The following PABPC4L variants were observed in gnomAD, a reference collection of about 807,000 sequenced individuals.
The protein encoded by PABPC4L is polyadenylate-binding protein 4-like.
For synonymous variants in PABPC4L, 169 were observed against 164.1 expected, an observed-to-expected ratio of 1.03 and a Z score of -0.23; for missense variants, 452 against 451.4, an observed-to-expected ratio of 1.00 and a Z score of -0.01.
chr4:133,985,335 A>G, the PABPC4L span, among the ~76,000 whole-genome samples: 1 of 152,026 alleles, frequency 6.6e-6, no homozygotes, highest in Non-Finnish European at 1.5e-5. Flanking sequence ...AGAAGTACCT[A>G]TTTAATTAGC....
the PABPC4L span, among the ~76,000 whole-genome samples, chr4:134,006,149 G>A: frequency 6.6e-6 from 1 of 151,986 alleles, no homozygotes; most frequent in South Asian, 2.1e-4. Flanking sequence ...TTTTACAGTT[G>A]AGAAAGAGTG....
At chr4:133,954,509 G>A in the PABPC4L span, among the ~76,000 whole-genome samples, 3 of 152,006 alleles carry the variant, frequency 2.0e-5, no homozygotes, top group Non-Finnish European at 2.9e-5. Context: ...ATCATCTCTT[G>A]TTTTTCTTTG....
the PABPC4L span, among the ~76,000 whole-genome samples, chr4:134,003,229 G>A: frequency 6.6e-6 from 1 of 151,946 alleles, no homozygotes; most frequent in Non-Finnish European, 1.5e-5. Flanking sequence ...ACGGAAAGGA[G>A]AATATGCCTA....
the PABPC4L span, among the ~76,000 whole-genome samples, chr4:134,063,677 A>T: frequency 6.6e-6 from 1 of 152,054 alleles, no homozygotes; most frequent in Non-Finnish European, 1.5e-5. Flanking sequence ...CTGTATGCTA[A>T]TTTTAAATAC....
the PABPC4L span, among the ~76,000 whole-genome samples, chr4:134,016,556 G>C: frequency 1.3e-5 from 2 of 151,894 alleles, no homozygotes; most frequent in Admixed American, 6.6e-5. Flanking sequence ...CCTTCACATC[G>C]GTCACTCCCA....
At chr4:134,190,000 T>C in the PABPC4L span, among the ~76,000 whole-genome samples, 1 of 152,140 alleles carries the variant, frequency 6.6e-6, no homozygotes, top group African/African-American at 2.4e-5. Flanking sequence ...AAACTGGGAC[T>C]GCTCCTGGGA....
the PABPC4L span, among the ~76,000 whole-genome samples, chr4:133,994,808 G>C: frequency 6.6e-6 from 1 of 152,032 alleles, no homozygotes; most frequent in Non-Finnish European, 1.5e-5. Context: ...AGAATATGCA[G>C]ACTTTTACAT....
At chr4:134,124,444 T>C in the PABPC4L span, among the ~76,000 whole-genome samples, 1 of 152,276 alleles carries the variant, frequency 6.6e-6, no homozygotes, top group African/African-American at 2.4e-5. Flanking sequence ...ATAAACAATA[T>C]ATAACACTTC....
chr4:134,019,071 T>C, the PABPC4L span, among the ~76,000 whole-genome samples: 2 of 152,152 alleles, frequency 1.3e-5, no homozygotes, highest in Admixed American at 1.3e-4. Flanking sequence ...ATGTTTCAAA[T>C]GCAAGTATCC....
At chr4:134,050,092 G>A in the PABPC4L span, among the ~76,000 whole-genome samples, 1 of 152,058 alleles carries the variant, frequency 6.6e-6, no homozygotes, top group South Asian at 2.1e-4. Flanking sequence ...GTATATTGCT[G>A]AAATTATTTA....
chr4:134,010,340 A>T, the PABPC4L span, among the ~76,000 whole-genome samples: 1 of 152,128 alleles, frequency 6.6e-6, no homozygotes, highest in Non-Finnish European at 1.5e-5. Context: ...TTTTCCTATC[A>T]GTGATCAATC....
chr4:133,990,795 G>A, the PABPC4L span, among the ~76,000 whole-genome samples: 1 of 152,196 alleles, frequency 6.6e-6, no homozygotes, highest in African/African-American at 2.4e-5. Context: ...GGAGACATAA[G>A]TAAACAGATT....
the PABPC4L span, among the ~76,000 whole-genome samples, chr4:133,972,907 C>T: frequency 5.3e-5 from 8 of 151,992 alleles, no homozygotes; most frequent in Non-Finnish European, 1.0e-4. Context: ...TTTTGTTTGG[C>T]AGTAATTGTT....
At chr4:134,015,585 C>T in the PABPC4L span, among the ~76,000 whole-genome samples, 1 of 152,122 alleles carries the variant, frequency 6.6e-6, no homozygotes. Flanking sequence ...TCATCCTCAT[C>T]TGTTACCTAT....
At chr4:134,061,620 CAGAGAGAGAGAGAGAGAGAG>C in the PABPC4L span, among the ~76,000 whole-genome samples, 25 of 143,392 alleles carry the variant, frequency 1.7e-4, no homozygotes, top group Non-Finnish European at 2.4e-4. Flanking sequence ...CAAACATACA[CAGAGAGAGAGAGAGAGAGAG>C]AGAGAGAGAG....
chr4:134,115,802 A>G, the PABPC4L span, among the ~76,000 whole-genome samples: 36 of 151,810 alleles, frequency 2.4e-4, no homozygotes, highest in Admixed American at 2.0e-4. Flanking sequence ...ACTCCACCTT[A>G]AGAAAAAACA....
chr4:134,182,329 T>A, the PABPC4L span, among the ~76,000 whole-genome samples: 1 of 151,672 alleles, frequency 6.6e-6, no homozygotes, highest in Non-Finnish European at 1.5e-5. Context: ...CCATCTGATC[T>A]TCAACAAAAT....
At chr4:133,971,352 C>T in the PABPC4L span, among the ~76,000 whole-genome samples, 1 of 151,858 alleles carries the variant, frequency 6.6e-6, no homozygotes, top group Admixed American at 6.6e-5. Flanking sequence ...ACTTCGTGAT[C>T]CGCCCGCCTC....
chr4:134,168,694 A>T, the PABPC4L span, among the ~76,000 whole-genome samples: 1 of 152,056 alleles, frequency 6.6e-6, no homozygotes, highest in Non-Finnish European at 1.5e-5. Context: ...TCCTAGACAC[A>T]TAAAACCTAC....
Sources: gnomAD v4.1 joint callset for allele counts (sites outside exome capture counted in the v4.1 genomes callset) on GRCh38, gnomAD v4.1.1 for gene constraint, MANE v1.5 for transcripts, NCBI Gene and HGNC (gene_info 2026-07-23, HGNC 2026-07-21) for gene names.